CLPTM1L: variants seen among roughly 807,000 people sequenced by gnomAD.
The protein encoded by CLPTM1L is lipid scramblase CLPTM1L.
A neutral mutation model predicts 70.9 loss-of-function variants in CLPTM1L; 38 were observed. The ratio of observed to expected loss-of-function variants is 0.54; its 90% CI spans 0.41 to 0.70. The LOEUF (loss-of-function observed/expected upper bound fraction) is 0.70. Among genes scored for constraint, CLPTM1L ranks in the 30% least tolerant of loss-of-function variants. The pLI is 0.00. For synonymous variants in CLPTM1L, 339 were observed against 299.9 expected, an observed-to-expected ratio of 1.13 and a Z score of -1.35; for missense variants, 652 against 705.9, an observed-to-expected ratio of 0.92 and a Z score of 0.87.
In CLPTM1L at chr5:1,322,987, C is replaced by A. The variant is rs118151126; in HGVS notation, c.1281-76G>T. 3.2e-3 allele frequency: 4,468 copies of A among 1,416,914 alleles called. 71 individuals carry two copies. Among genetic ancestry groups the A allele is most frequent in the Admixed American group, 0.023 (1,369 of 59,312 alleles). The allele number at this position is 1,416,914 out of a possible 1,614,324, so 87.8% of individuals were successfully genotyped here. A position where few individuals can be genotyped will look rare whatever the true frequency, so the allele number is the denominator to read the frequency against. On this transcript the variant is annotated intron_variant, in intron 12 of 16. Transcript: ENST00000320895. The stretch of plus-strand genomic sequence containing the variant: ...TGTATTAAATTGATGAAAAATAATT[C>A]TTTCATTAAAAATCCTCTGAAAATA...
At chr5:1,344,630 G>A (rs1328765540) in intron 1 of CLPTM1L, 50 bp downstream of exon 1, 7 of 1,527,944 alleles carry the variant, frequency 4.6e-6, no homozygotes, top group Non-Finnish European at 6.2e-6. Flanking sequence ...GGGCCTGGAG[G>A]AGAGGCCCCC....
chr5:1,336,567 G>A (rs1231112863), intron 5 of CLPTM1L, among the ~76,000 whole-genome samples: 1 of 152,218 alleles, frequency 6.6e-6, no homozygotes, highest in African/African-American at 2.4e-5. Context: ...CCACGAGCTG[G>A]TGCCACAGCT....
Position 1,330,695 on chromosome 5 carries a change from G to A in CLPTM1L, c.977-312C>T, listed in dbSNP as rs146156442. ...ACGGGGCCAGCACAGCTTTGCTTCCGGGCGTGTCTTATGCCAGTTCTGTGA... is the reference window on the plus strand; with the variant it reads ...ACGGGGCCAGCACAGCTTTGCTTCCAGGCGTGTCTTATGCCAGTTCTGTGA... On this transcript the variant is annotated intron_variant, in intron 8 of 16. Coordinates refer to ENST00000320895, the MANE Select transcript of CLPTM1L (RefSeq NM_030782.5). 58 of 378,970 alleles carry A rather than the reference G, an allele frequency of 1.5e-4. 1 individual carries two copies. The East Asian group carries it at 1.8e-3, about 12-fold the overall frequency. The allele number at this position is 378,970 out of a possible 1,614,324, so 23.5% of individuals were successfully genotyped here. A position where few individuals can be genotyped will look rare whatever the true frequency, so the allele number is the denominator to read the frequency against.
intron 11 of CLPTM1L, among the ~76,000 whole-genome samples, chr5:1,324,232 A>C (rs1752366601): frequency 6.6e-6 from 1 of 152,278 alleles, no homozygotes; most frequent in Admixed American, 6.5e-5. Context: ...ATCCATTCTG[A>C]TTTCAGCTTT....
chr5:1,328,341 G>T (rs1345863016), intron 9 of CLPTM1L, among the ~76,000 whole-genome samples: 27 of 74,640 alleles, frequency 3.6e-4, no homozygotes, highest in Non-Finnish European at 6.9e-4. Flanking sequence ...ATTTCATCCA[G>T]CTCCTCCTCT....
In CLPTM1L at chr5:1,334,284, C is replaced by T. The variant is rs780286471; in HGVS notation, c.891+5G>A. 1.2e-6 allele frequency: 2 copies of T among 1,612,360 alleles called. No homozygotes were observed. The highest frequency in any genetic ancestry group is 1.7e-6 in the Non-Finnish European group (2 of 1,178,660). ...CTGCGGCAAGCCCCCCGGTGGATGA[C>T]TCACATGGAACGCTGCGACAAAGAA... On this transcript the variant is annotated splice_donor_5th_base_variant and intron_variant, in intron 7 of 16. Coordinates refer to ENST00000320895, the MANE Select transcript of CLPTM1L (RefSeq NM_030782.5).
chr5:1,335,605 C>T (rs1283119296), intron 5 of CLPTM1L, among the ~76,000 whole-genome samples: 1 of 152,258 alleles, frequency 6.6e-6, no homozygotes, highest in Admixed American at 6.5e-5. Flanking sequence ...CACAGCCCTG[C>T]AGCACATGGG....
chr5:1,325,704 C>A, intron 10 of CLPTM1L, 47 bp downstream of exon 10: 1 of 1,536,286 alleles, frequency 6.5e-7, no homozygotes, highest in Non-Finnish European at 9.0e-7. Flanking sequence ...GGCAAAATCA[C>A]ACTCTTCAGA....
chr5:1,325,925 G>T, intron 9 of CLPTM1L, 109 bp from the exon 10 acceptor site: 1 of 882,450 alleles, frequency 1.1e-6, no homozygotes, highest in Non-Finnish European at 1.8e-6. Flanking sequence ...GCCCCGCGCA[G>T]CCCACTGTCC....
At position 1,342,111 on chromosome 5, in the gene CLPTM1L, C is replaced by T. The variant is rs1361730926; in HGVS notation, c.264-251G>A. ...GCCTACAGCCGAAAGCAAAACGGCC[C>T]GCACTTCCTGCCTCCATCTCAGGAG... On this transcript the variant is annotated intron_variant, in intron 2 of 16. Coordinates refer to ENST00000320895, the MANE Select transcript of CLPTM1L (RefSeq NM_030782.5). This position sits in a 1 kb window ranked among gnomAD's most constrained non-coding sequence, Gnocchi z 4.3. Among the ~76,000 whole-genome samples the T allele has an allele frequency of 6.6e-6, 1 of 151,956 alleles. No individual in the cohort carries two copies. The highest frequency in any genetic ancestry group is 1.5e-5 in the Non-Finnish European group (1 of 67,972).
At chr5:1,331,183 C>T (rs1050669874) in intron 8 of CLPTM1L, 1 of 154,504 alleles carries the variant, frequency 6.5e-6, no homozygotes, top group African/African-American at 2.4e-5. Flanking sequence ...ACCCCTCACT[C>T]ACTTGGGCCC....
At chr5:1,343,707 G>A (rs1172742939) in intron 2 of CLPTM1L, among the ~76,000 whole-genome samples, 1 of 152,198 alleles carries the variant, frequency 6.6e-6, no homozygotes, top group East Asian at 1.9e-4. Flanking sequence ...GGGACTGGCT[G>A]CCTAGAGGGC....
rs549758632 is a variant in CLPTM1L at position 1,327,603 on chromosome 5, C to G, written c.1081-1787G>C. Among the ~76,000 whole-genome samples, 1,076 of 149,992 alleles carry G rather than the reference C, an allele frequency of 7.2e-3. 1 individual carries two copies. Among genetic ancestry groups the G allele is most frequent in the Middle Eastern group, 0.014 (4 of 284 alleles). On this transcript the variant is annotated intron_variant, in intron 9 of 16. Transcript: ENST00000320895. ...CCATCCAGCTCCTCCTCTACAGACA[C>G]ATTTCATCCAGCTCCTCCTCTACAG...
In CLPTM1L at chr5:1,341,710, T is replaced by G. The variant is rs759157460; in HGVS notation, c.414A>C (p.Pro138=). The part of the protein sequence containing the change: ...SPLTTYMVPK[P]EEINLLTGES... The stretch of plus-strand genomic sequence containing the variant: ...CCCCGGTGAGCAGGTTGATTTCTTC[T>G]GGCTTGGGGACCATGTAGGTGGTCA... Residue 138 remains proline, a synonymous_variant, in exon 3 of 17, where the codon CCA becomes CCC. Coordinates refer to ENST00000320895, the MANE Select transcript of CLPTM1L (RefSeq NM_030782.5). The G allele has an allele frequency of 2.1e-5, 34 of 1,612,498 alleles. 1 individual carries two copies. The South Asian group carries it at 3.3e-4, about 16-fold the overall frequency.
At chr5:1,326,444 T>TCATTTCATCCAGCTCCTCCTCCACAGACA in intron 9 of CLPTM1L, 2 of 213,880 alleles carry the variant, frequency 9.4e-6, no homozygotes, top group Non-Finnish European at 8.7e-6. Context: ...CAGACACATT[T>TCATTTCATCCAGCTCCTCCTCCACAGACA]CATTTCATCC....
intron 11 of CLPTM1L, among the ~76,000 whole-genome samples, chr5:1,324,310 T>C (rs1277434170): frequency 6.6e-6 from 1 of 152,182 alleles, no homozygotes; most frequent in East Asian, 1.9e-4. Context: ...TGTGCAGAAA[T>C]GTTCTATTAA....
At position 1,321,043 on chromosome 5, in the gene CLPTM1L, G is replaced by A. The variant is rs184386994; in HGVS notation, c.1417-312C>T. 2.3e-3 allele frequency among the ~76,000 whole-genome samples: 351 copies of A among 152,288 alleles called. 3 individuals are homozygous for A. The highest frequency in any genetic ancestry group is 9.3e-3 in the Admixed American group (143 of 15,306). On this transcript the variant is annotated intron_variant, in intron 15 of 16. Coordinates refer to ENST00000320895, the MANE Select transcript of CLPTM1L (RefSeq NM_030782.5). Reference sequence around the variant, plus strand: ...CGCCCGAGACAGAGCCAAGGGCAGAGCCACCTGAGACCAGAGCCAAGGTTA... The same window carrying A: ...CGCCCGAGACAGAGCCAAGGGCAGAACCACCTGAGACCAGAGCCAAGGTTA...
At chr5:1,333,236 C>T (rs1463571101) in intron 7 of CLPTM1L, among the ~76,000 whole-genome samples, 1 of 51,940 alleles carries the variant, frequency 1.9e-5, no homozygotes, top group Non-Finnish European at 3.3e-5. Flanking sequence ...TAAGGGGGGA[C>T]TACTGTATAC....
At chr5:1,334,944 A>G in intron 6 of CLPTM1L, 113 bp downstream of exon 6, 1 of 706,602 alleles carries the variant, frequency 1.4e-6, no homozygotes, top group Non-Finnish European at 2.5e-6. Context: ...ACGTCTGTGC[A>G]AGGATCTGCA....
Sources: gnomAD v4.1 joint callset for allele counts (sites outside exome capture counted in the v4.1 genomes callset) on GRCh38, gnomAD v4.1.1 for gene constraint, Gnocchi (gnomAD v3.1) non-coding constraint, MANE v1.5 for transcripts, NCBI Gene and HGNC (gene_info 2026-07-23, HGNC 2026-07-21) for gene names.